Variants in NTNG1 observed in about 807,000 individuals in gnomAD.
NTNG1 encodes the protein netrin-G1.
A neutral mutation model predicts 54.0 loss-of-function variants in NTNG1; 16 were observed. That is an observed-to-expected ratio of 0.30 (90% CI 0.20 to 0.45). NTNG1 has a LOEUF of 0.45. NTNG1 is among the 20% of genes least tolerant of loss of function. The probability of loss-of-function intolerance (pLI) is 1.00; values close to 1 mark genes in which losing one functional copy is unlikely to be tolerated. For missense variants in NTNG1, 530 were observed against 678.7 expected (o/e 0.78, Z 2.43); for synonymous variants, 255 against 263.1 (o/e 0.97, Z 0.30).
chr1:107,434,812 CTT>C (rs1273608117), intron 6 of NTNG1, among the ~76,000 whole-genome samples: 4 of 152,222 alleles, frequency 2.6e-5, no homozygotes, highest in Middle Eastern at 3.4e-3. Flanking sequence ...CTCCAAGACT[CTT>C]TGCATTACTC....
intron 3 of NTNG1, among the ~76,000 whole-genome samples, chr1:107,375,429 A>T (rs187270962): frequency 1.4e-4 from 22 of 152,252 alleles, no homozygotes; most frequent in African/African-American, 5.3e-4. Context: ...TTCAGGTGGG[A>T]GGTTAAATAC....
In NTNG1 at chr1:107,264,286, TATCGATC is replaced by T. The variant is rs1319090425; in HGVS notation, c.247-59992_247-59986del. Reference sequence around the variant, plus strand: ...TAAGGTGACAGTGAGAGAGACTTCTTATCGATCATCTGACCTCCCACACAATTTGTTG... The same window carrying T: ...TAAGGTGACAGTGAGAGAGACTTCTTATCTGACCTCCCACACAATTTGTTG... On this transcript the variant is annotated intron_variant, in intron 2 of 7. Transcript: ENST00000370068. Among the ~76,000 whole-genome samples the T allele has an allele frequency of 4.6e-5, 7 of 152,256 alleles. No homozygotes were observed. In the East Asian group the frequency reaches 1.4e-3, roughly 29 times the overall value.
chr1:107,324,288 C>A lies in NTNG1; in HGVS notation c.253C>A (p.Pro85Thr). ...PPETFCAMGN[P>T]YMCNNECDAS... The stretch of plus-strand genomic sequence containing the variant: ...TTTTGTTCTTCTTCCATAGGGCAAT[C>A]CCTACATGTGCAATAATGAGTGTGA... Residue 85 changes from proline to threonine, a missense_variant, in exon 3 of 8, where the codon CCC (proline) becomes ACC (threonine). Pro to Thr is a conservative substitution (Grantham distance 38). This residue lies in a region of NTNG1 where 318 missense variants were observed against 465.1 expected (regional missense o/e 0.68). Coordinates refer to ENST00000370068, the MANE Select transcript of NTNG1 (RefSeq NM_001113226.3). 6.2e-7 allele frequency: 1 copy of A among 1,612,928 alleles called. No individual in the cohort carries two copies. The highest frequency in any genetic ancestry group is 8.5e-7 in the Non-Finnish European group (1 of 1,179,238).
At chr1:107,156,708 G>A (rs1277296436) in intron 2 of NTNG1, among the ~76,000 whole-genome samples, 1 of 152,138 alleles carries the variant, frequency 6.6e-6, no homozygotes, top group African/African-American at 2.4e-5. Context: ...ATTTAGGGCT[G>A]CATTCCTGTG....
intron 3 of NTNG1, among the ~76,000 whole-genome samples, chr1:107,390,679 A>G (rs75323982): frequency 0.023 from 3,526 of 152,284 alleles, 119 homozygotes; most frequent in African/African-American, 0.08. Context: ...ACACAGTAGA[A>G]CATGCATATG....
At chr1:107,429,647 CAA>C (rs1675130191) in intron 5 of NTNG1, among the ~76,000 whole-genome samples, 2 of 152,020 alleles carry the variant, frequency 1.3e-5, no homozygotes, top group South Asian at 4.1e-4. Context: ...TTTAAACAAA[CAA>C]AATTTGCAGT....
chr1:107,393,428 A>G (rs1375484443), intron 3 of NTNG1, among the ~76,000 whole-genome samples: 6 of 152,200 alleles, frequency 3.9e-5, no homozygotes, highest in Non-Finnish European at 7.3e-5. Flanking sequence ...AGATTATTAT[A>G]GGACCTAGCT....
chr1:107,346,400 T>C (rs1669236177), intron 3 of NTNG1, among the ~76,000 whole-genome samples: 1 of 152,004 alleles, frequency 6.6e-6, no homozygotes, highest in Non-Finnish European at 1.5e-5. Context: ...AGATGCAGAG[T>C]GGGAACTTAC....
In NTNG1 at chr1:107,324,590, T is replaced by C. The variant is rs1295166754; in HGVS notation, c.555T>C (p.Ala185=). ...YQYYATDCLD[A]FHMDPKSVKD... ...ATTATGCCACAGACTGCTTAGATGC[T>C]TTTCACATGGATCCTAAATCCGTGA... The change falls in exon 3 of 8, where the codon GCT becomes GCC. Residue 185 remains alanine, a synonymous_variant. Coordinates refer to ENST00000370068, the MANE Select transcript of NTNG1 (RefSeq NM_001113226.3). 6.2e-7 allele frequency: 1 copy of C among 1,613,702 alleles called. No individual in the cohort carries two copies. The highest frequency in any genetic ancestry group is 2.2e-5 in the East Asian group (1 of 44,818).
intron 2 of NTNG1, among the ~76,000 whole-genome samples, chr1:107,189,615 A>C (rs1657751551): frequency 6.6e-6 from 1 of 152,064 alleles, no homozygotes; most frequent in Non-Finnish European, 1.5e-5. Flanking sequence ...GTAGGTTATA[A>C]AATGTTTTAA....
chr1:107,245,095 T>A (rs1279652596), intron 2 of NTNG1, among the ~76,000 whole-genome samples: 1 of 152,130 alleles, frequency 6.6e-6, no homozygotes, highest in Non-Finnish European at 1.5e-5. Context: ...ATCTTTCACA[T>A]CTATAGAGCT....
At chr1:107,245,668 C>T (rs964720727) in intron 2 of NTNG1, among the ~76,000 whole-genome samples, 2 of 152,164 alleles carry the variant, frequency 1.3e-5, no homozygotes, top group African/African-American at 4.8e-5. Context: ...AAAATACTTT[C>T]ATTGCAGTTG....
chr1:107,252,304 G>A (rs1357825693), intron 2 of NTNG1, among the ~76,000 whole-genome samples: 3 of 152,146 alleles, frequency 2.0e-5, no homozygotes, highest in Non-Finnish European at 4.4e-5. Flanking sequence ...CTTGCTAATT[G>A]TATGTCTGGT....
intron 2 of NTNG1, among the ~76,000 whole-genome samples, chr1:107,170,871 T>G (rs937452252): frequency 4.6e-5 from 7 of 152,132 alleles, no homozygotes; most frequent in African/African-American, 1.4e-4. Flanking sequence ...TTTTCTTTCT[T>G]TGGAACTCTT....
chr1:107,297,518 A>G (rs1395096927), intron 2 of NTNG1, among the ~76,000 whole-genome samples: 1 of 152,020 alleles, frequency 6.6e-6, no homozygotes, highest in Non-Finnish European at 1.5e-5. Context: ...CCACTCCAGT[A>G]TCAAGATCAC....
In NTNG1 at chr1:107,479,228, C is replaced by A. The variant is rs1275259123; in HGVS notation, c.1391-1383C>A. Among the ~76,000 whole-genome samples the A allele has an allele frequency of 2.0e-5, 3 of 152,180 alleles. No individual in the cohort carries two copies. The East Asian group carries it at 5.8e-4, about 29-fold the overall frequency. On this transcript the variant is annotated intron_variant, in intron 7 of 7. Coordinates refer to ENST00000370068, the MANE Select transcript of NTNG1 (RefSeq NM_001113226.3). Reference sequence around the variant, plus strand: ...ACTCTGTTATTAACCATGTGGGTATCCACCACCATCTTTCCTAAGCTCATT... The same window carrying A: ...ACTCTGTTATTAACCATGTGGGTATACACCACCATCTTTCCTAAGCTCATT...
chr1:107,177,187 G>A (rs950149543), intron 2 of NTNG1, among the ~76,000 whole-genome samples: 6 of 152,016 alleles, frequency 3.9e-5, no homozygotes, highest in Non-Finnish European at 7.4e-5. Context: ...CATAATATTC[G>A]AGGCCCTAAC....
chr1:107,157,423 T>C (rs1655082941), intron 2 of NTNG1, among the ~76,000 whole-genome samples: 1 of 152,200 alleles, frequency 6.6e-6, no homozygotes, highest in Non-Finnish European at 1.5e-5. Flanking sequence ...TAACAATTTG[T>C]ACTTCTACCA....
intron 7 of NTNG1, among the ~76,000 whole-genome samples, chr1:107,445,707 T>G (rs1384824506): frequency 2.0e-5 from 3 of 152,108 alleles, no homozygotes; most frequent in African/African-American, 7.2e-5. Context: ...GCAAATTCTT[T>G]CTGTAATGGG....
Sources: gnomAD v4.1 joint callset for allele counts (sites outside exome capture counted in the v4.1 genomes callset) on GRCh38, gnomAD v4.1.1 for gene constraint, gnomAD v4.1.1 regional missense constraint, MANE v1.5 for transcripts, NCBI Gene and HGNC (gene_info 2026-07-23, HGNC 2026-07-21) for gene names.